The following MACROD2 variants were observed in gnomAD, a reference collection of about 807,000 sequenced individuals.
MACROD2 encodes the protein mono-ADP ribosylhydrolase 2.
A neutral mutation model predicts 70.4 loss-of-function variants in MACROD2; 36 were observed. The observed-to-expected ratio is 0.51, with a 90% confidence interval of 0.39 to 0.68. The LOEUF is 0.68. MACROD2 is among the 30% of genes least tolerant of loss of function. MACROD2 has a pLI of 0.00. For synonymous variants in MACROD2, 172 were observed against 178.8 expected, an observed-to-expected ratio of 0.96 and a Z score of 0.30; for missense variants, 496 against 538.4, an observed-to-expected ratio of 0.92 and a Z score of 0.78.
At chr20:14,149,098 A>G (rs915511500) in intron 3 of MACROD2, among the ~76,000 whole-genome samples, 2 of 151,396 alleles carry the variant, frequency 1.3e-5, no homozygotes, top group South Asian at 2.1e-4. Flanking sequence ...TAGTACCCCC[A>G]AATTAGTTTT....
intron 5 of MACROD2, among the ~76,000 whole-genome samples, chr20:15,160,084 T>TG (rs11480474): frequency 0.65 from 89,738 of 138,242 alleles, 26,645 homozygotes; most frequent in East Asian, 0.73. Context: ...GGAAAGTCAC[T>TG]GATACCCTTG....
intron 3 of MACROD2, among the ~76,000 whole-genome samples, chr20:14,102,374 A>T (rs2054312945): frequency 6.6e-6 from 1 of 152,078 alleles, no homozygotes; most frequent in African/African-American, 2.4e-5. Context: ...CATTATTAAA[A>T]CTGTTAATTA....
chr20:14,556,750 G>C (rs1431093462), intron 4 of MACROD2, among the ~76,000 whole-genome samples: 6 of 151,938 alleles, frequency 3.9e-5, no homozygotes, highest in Admixed American at 3.3e-4. Context: ...AATCAAGATA[G>C]AAATTTTTAA....
chr20:14,403,260 A>G (rs1165184817), intron 3 of MACROD2, among the ~76,000 whole-genome samples: 5 of 152,146 alleles, frequency 3.3e-5, no homozygotes, highest in Non-Finnish European at 7.4e-5. Flanking sequence ...TTGCCATGTC[A>G]CTGGATGATT....
Position 14,416,345 on chromosome 20 carries a change from T to C in MACROD2, c.272-77134T>C, listed in dbSNP as rs185210926. Among the ~76,000 whole-genome samples, 13 of 152,216 alleles carry C rather than the reference T, an allele frequency of 8.5e-5. No homozygotes were observed. The East Asian group carries it at 2.3e-3, about 27-fold the overall frequency. On this transcript the variant is annotated intron_variant, in intron 3 of 17. Coordinates refer to ENST00000684519, the MANE Select transcript of MACROD2 (RefSeq NM_001351661.2). ...CTTGTCTTCACATTCTGCTGTTTTT[T>C]CCCCCCAGTGTAAATTAATGACTTA...
chr20:15,828,362 A>G (rs2064019906), intron 8 of MACROD2, among the ~76,000 whole-genome samples: 1 of 152,198 alleles, frequency 6.6e-6, no homozygotes, highest in African/African-American at 2.4e-5. Context: ...ATATGAAAGT[A>G]GAAAAAAGTT....
intron 3 of MACROD2, among the ~76,000 whole-genome samples, chr20:14,418,111 T>C (rs1341972733): frequency 6.6e-6 from 1 of 152,202 alleles, no homozygotes; most frequent in Non-Finnish European, 1.5e-5. Context: ...CTTGGAATTA[T>C]AGTTCGAGCC....
intron 5 of MACROD2, among the ~76,000 whole-genome samples, chr20:14,715,001 G>A (rs959234849): frequency 1.3e-5 from 2 of 152,174 alleles, no homozygotes; most frequent in African/African-American, 4.8e-5. Context: ...GTAAGGTGTT[G>A]TATTAGTCCA....
At chr20:15,101,325 A>G (rs62202821) in intron 5 of MACROD2, among the ~76,000 whole-genome samples, 15,789 of 151,912 alleles carry the variant, frequency 0.1, 1,015 homozygotes, top group Middle Eastern at 0.18. Context: ...ATTTCCTATC[A>G]GTCTAGACTG....
chr20:15,244,696 C>A (rs1328119489), intron 6 of MACROD2, among the ~76,000 whole-genome samples: 2 of 152,292 alleles, frequency 1.3e-5, no homozygotes, highest in Middle Eastern at 3.4e-3. Context: ...ATCTCAGGGT[C>A]TGATTTTATT....
At chr20:15,894,743 T>C (rs1428445193) in intron 10 of MACROD2, among the ~76,000 whole-genome samples, 1 of 152,238 alleles carries the variant, frequency 6.6e-6, no homozygotes, top group Non-Finnish European at 1.5e-5. Flanking sequence ...ATGATGATCA[T>C]GGCCATCGTA....
chr20:15,216,780 A>C (rs2076814109), intron 5 of MACROD2, among the ~76,000 whole-genome samples: 1 of 152,168 alleles, frequency 6.6e-6, no homozygotes, highest in Non-Finnish European at 1.5e-5. Flanking sequence ...CGCTTTTCTC[A>C]GAAGACGCCC....
chr20:14,079,360 A>C (rs1335493956), intron 2 of MACROD2, among the ~76,000 whole-genome samples: 1 of 152,264 alleles, frequency 6.6e-6, no homozygotes, highest in African/African-American at 2.4e-5. Flanking sequence ...CTGCTAACGC[A>C]GGATAAAGCA....
At chr20:14,554,128 C>T (rs754067350) in intron 4 of MACROD2, among the ~76,000 whole-genome samples, 17 of 152,078 alleles carry the variant, frequency 1.1e-4, no homozygotes, top group Non-Finnish European at 2.4e-4. Flanking sequence ...CTATCTTTTG[C>T]CAGTTTTTCT....
At chr20:14,884,848 C>A (rs2073653829) in intron 5 of MACROD2, among the ~76,000 whole-genome samples, 1 of 152,124 alleles carries the variant, frequency 6.6e-6, no homozygotes, top group Non-Finnish European at 1.5e-5. Context: ...AAACCTTGGT[C>A]TCCACAACCC....
chr20:14,878,731 C>T (rs2073578184), intron 5 of MACROD2, among the ~76,000 whole-genome samples: 2 of 151,952 alleles, frequency 1.3e-5, no homozygotes, highest in South Asian at 4.2e-4. Context: ...TATGATCTAT[C>T]CTAGTTATTA....
At chr20:16,045,285 C>T (rs1452001871) in intron 17 of MACROD2, among the ~76,000 whole-genome samples, 1 of 152,072 alleles carries the variant, frequency 6.6e-6, no homozygotes, top group Non-Finnish European at 1.5e-5. Context: ...GGAGTTTTTC[C>T]AGACCAACAT....
intron 3 of MACROD2, among the ~76,000 whole-genome samples, chr20:14,482,120 A>G (rs1812526293): frequency 2.0e-5 from 3 of 152,166 alleles, no homozygotes; most frequent in Admixed American, 1.3e-4. Flanking sequence ...GCAAGAAGTT[A>G]GTTCGAACTT....
At chr20:14,896,042 A>G (rs527300475) in intron 5 of MACROD2, among the ~76,000 whole-genome samples, 1 of 152,330 alleles carries the variant, frequency 6.6e-6, no homozygotes, top group Admixed American at 6.5e-5. Context: ...CACGCCTATA[A>G]TCCCAGCACT....
Sources: allele counts gnomAD v4.1 joint callset (sites outside exome capture counted in the v4.1 genomes callset), GRCh38; gene constraint gnomAD v4.1.1; transcripts MANE v1.5; gene names NCBI Gene and HGNC (gene_info 2026-07-23, HGNC 2026-07-21).